The following IFNGR2 variants were observed in gnomAD, a reference collection of about 807,000 sequenced individuals.
IFNGR2 encodes IFN-gamma receptor 2.
In IFNGR2, 15 loss-of-function variants were observed where a neutral mutation model predicts 41.1. That is an observed-to-expected ratio of 0.37 (90% CI 0.24 to 0.56). IFNGR2 has a LOEUF of 0.56. IFNGR2 is among the 20% of genes least tolerant of loss of function. The pLI, the probability that IFNGR2 is intolerant of heterozygous loss-of-function variation, is 0.81. For missense variants in IFNGR2, 362 were observed against 415.7 expected (o/e 0.87, Z 1.12); for synonymous variants, 161 against 171.6 (o/e 0.94, Z 0.48).
chr21:33,407,845 C>CG (rs2083688172), intron 1 of IFNGR2, among the ~76,000 whole-genome samples: 3 of 92,652 alleles, frequency 3.2e-5, no homozygotes, highest in Admixed American at 1.1e-4. Context: ...ATCCCCACCG[C>CG]ACCCCCCCCC....
At chr21:33,410,166 A>ATTTTT (rs373991238) in intron 1 of IFNGR2, among the ~76,000 whole-genome samples, 1 of 137,168 alleles carries the variant, frequency 7.3e-6, no homozygotes, top group African/African-American at 2.7e-5. Flanking sequence ...AATTACAATA[A>ATTTTT]TTTTTTTTTT....
At chr21:33,416,717 G>A (rs1229306890) in intron 2 of IFNGR2, among the ~76,000 whole-genome samples, 1 of 151,662 alleles carries the variant, frequency 6.6e-6, no homozygotes, top group Non-Finnish European at 1.5e-5. Context: ...AGCTACTTGG[G>A]AGGCTGAGGC....
chr21:33,436,755 AAAACT>A, intron 6 of IFNGR2, 68 bp from the exon 7 acceptor site: 1 of 1,242,254 alleles, frequency 8.0e-7, no homozygotes, highest in Non-Finnish European at 1.1e-6. Flanking sequence ...AATAAAAACA[AAAACT>A]AAAGTTAAAA....
chr21:33,403,519 G>T lies in IFNGR2; in HGVS notation c.-25G>T. ...CCGAGCGGGGCCCCGGCCGCGACCT[G>T]AGCCGCCGCCGAGCGCCCGGGGCCA... On this transcript the variant is annotated 5_prime_UTR_variant, in exon 1 of 7. Coordinates refer to ENST00000290219, the MANE Select transcript of IFNGR2 (RefSeq NM_005534.4). The T allele has an allele frequency of 8.0e-7, 1 of 1,243,454 alleles. No individual in the cohort carries two copies. Among genetic ancestry groups the T allele is most frequent in the Non-Finnish European group, 1.0e-6 (1 of 985,934 alleles). 77.0% of individuals were successfully genotyped at this position (1,243,454 alleles called of 1,614,324 possible). A position where few individuals can be genotyped will look rare whatever the true frequency, so the allele number is the denominator to read the frequency against.
chr21:33,417,739 A>G (rs1017656141), intron 2 of IFNGR2, among the ~76,000 whole-genome samples: 3 of 152,168 alleles, frequency 2.0e-5, no homozygotes, highest in Non-Finnish European at 2.9e-5. Context: ...TTCAGCAAAC[A>G]TTACACCCTA....
At chr21:33,422,204 TTGA>T (rs1423520247) in intron 3 of IFNGR2, among the ~76,000 whole-genome samples, 1 of 152,248 alleles carries the variant, frequency 6.6e-6, no homozygotes. Flanking sequence ...TAAATATTTG[TTGA>T]ATGACTGAGT....
intron 6 of IFNGR2, among the ~76,000 whole-genome samples, chr21:33,433,704 TG>T (rs1255509524): frequency 6.6e-6 from 1 of 152,152 alleles, no homozygotes; most frequent in South Asian, 2.1e-4. Flanking sequence ...TTGCACAATG[TG>T]AATGTGCTTG....
intron 3 of IFNGR2, 35 bp downstream of exon 3, chr21:33,421,720 T>C (rs2083794756): frequency 6.5e-7 from 1 of 1,532,668 alleles, no homozygotes; most frequent in African/African-American, 1.4e-5. Flanking sequence ...TCCTTTATAC[T>C]TTCCAGGTTT....
Position 33,436,839 on chromosome 21 carries a change from C to T in IFNGR2, c.891C>T (p.Asp297=). ...CCAACCTCCTCAAGTATTTAAAAGA[C>T]CCAACTCAGCCCATCTTAGAGGCCT... ...IPLQIEEYLK[D]PTQPILEALD... The change falls in exon 7 of 7, where the codon GAC becomes GAT. Residue 297 remains aspartate (D), a synonymous_variant. Coordinates refer to ENST00000290219, the MANE Select transcript of IFNGR2 (RefSeq NM_005534.4). 1 of 1,614,050 alleles carries T rather than the reference C, an allele frequency of 6.2e-7. No homozygotes were observed. Among genetic ancestry groups the T allele is most frequent in the Non-Finnish European group, 8.5e-7 (1 of 1,179,922 alleles).
At chr21:33,408,684 A>G (rs1165060836) in intron 1 of IFNGR2, among the ~76,000 whole-genome samples, 1 of 152,248 alleles carries the variant, frequency 6.6e-6, no homozygotes. Flanking sequence ...TAGTCTACTT[A>G]GAGACCTTGT....
At chr21:33,425,903 TA>T (rs946043885) in intron 3 of IFNGR2, among the ~76,000 whole-genome samples, 1 of 152,224 alleles carries the variant, frequency 6.6e-6, no homozygotes, top group Non-Finnish European at 1.5e-5. Flanking sequence ...TCTCCTTGTG[TA>T]AAATGTGCAG....
chr21:33,433,031 G>A (rs1300173339), intron 6 of IFNGR2, among the ~76,000 whole-genome samples, 160 bp downstream of exon 6: 1 of 151,978 alleles, frequency 6.6e-6, no homozygotes, highest in Admixed American at 6.6e-5. Flanking sequence ...TATTACAAGT[G>A]CTCACCACCA....
At position 33,426,716 on chromosome 21, in the gene IFNGR2, T is replaced by C. The variant is rs112107702; in HGVS notation, c.413-168T>C. ...GCCTGGGCGACAGAGCAAAACTGTC[T>C]CGAAAAAATAATAATAAATAAAGAG... On this transcript the variant is annotated intron_variant, in intron 3 of 6. Coordinates refer to ENST00000290219, the MANE Select transcript of IFNGR2 (RefSeq NM_005534.4). Among the ~76,000 whole-genome samples, 309 of 151,306 alleles carry C rather than the reference T, an allele frequency of 2.0e-3. 2 individuals are homozygous for C. The highest frequency in any genetic ancestry group is 6.9e-3 in the African/African-American group (286 of 41,220).
intron 2 of IFNGR2, among the ~76,000 whole-genome samples, chr21:33,419,154 G>A (rs1284824426): frequency 3.3e-5 from 5 of 152,118 alleles, no homozygotes; most frequent in Non-Finnish European, 7.3e-5. Context: ...TGCCCAGGCT[G>A]GACTGCAGTG....
At chr21:33,422,643 G>A (rs1019561512) in intron 3 of IFNGR2, among the ~76,000 whole-genome samples, 6 of 152,116 alleles carry the variant, frequency 3.9e-5, no homozygotes, top group South Asian at 2.1e-4. Flanking sequence ...TTGGGAGGCC[G>A]AGGCAGGCAG....
At chr21:33,424,773 G>A (rs761705386) in intron 3 of IFNGR2, among the ~76,000 whole-genome samples, 1 of 152,134 alleles carries the variant, frequency 6.6e-6, no homozygotes, top group Admixed American at 6.6e-5. Flanking sequence ...AGACAGTCTC[G>A]CTCTGTCGCC....
At chr21:33,426,788 T>C in intron 3 of IFNGR2, 96 bp from the exon 4 acceptor site, 1 of 650,310 alleles carries the variant, frequency 1.5e-6, no homozygotes, top group Non-Finnish European at 2.5e-6. Flanking sequence ...TATATATATA[T>C]ATATACATAT....
At position 33,416,108 on chromosome 21, in the gene IFNGR2, C is replaced by T. The variant is rs544285734; in HGVS notation, c.206+1088C>T. 7.9e-5 allele frequency among the ~76,000 whole-genome samples: 12 copies of T among 152,234 alleles called. No individual in the cohort carries two copies. The South Asian group carries it at 2.1e-3, about 26-fold the overall frequency. ...TGGCCCCATCCTCAAGTGATTTGCC[C>T]GCCTGGGCCTCCCAAAGTGCTGGGA... On this transcript the variant is annotated intron_variant, in intron 2 of 6. Transcript: ENST00000290219.
intron 1 of IFNGR2, among the ~76,000 whole-genome samples, chr21:33,409,076 C>T (rs549037130): frequency 2.4e-4 from 37 of 151,970 alleles, no homozygotes; most frequent in Non-Finnish European, 4.9e-4. Flanking sequence ...ACTCAGGAGG[C>T]TGAGGCAGGA....
Sources: allele counts gnomAD v4.1 joint callset (sites outside exome capture counted in the v4.1 genomes callset), GRCh38; gene constraint gnomAD v4.1.1; transcripts MANE v1.5; gene names NCBI Gene and HGNC (gene_info 2026-07-23, HGNC 2026-07-21).